Variants in BCAT1 observed in about 807,000 individuals in gnomAD.
BCAT1 encodes the protein branched chain amino acid transaminase 1, also known as branched-chain-amino-acid aminotransferase, cytosolic.
Under a neutral mutation model 52.4 loss-of-function variants are expected in BCAT1, and 48 were observed. The observed-to-expected ratio is 0.92, with a 90% confidence interval of 0.73 to 1.16. BCAT1 has a LOEUF of 1.16. BCAT1 is among the 50% of genes most tolerant of loss of function. The pLI, the probability that BCAT1 is intolerant of heterozygous loss-of-function variation, is 0.00. For synonymous variants in BCAT1, 167 were observed against 161.3 expected (o/e 1.04, Z -0.27); for missense variants, 451 against 457.1 (o/e 0.99, Z 0.12).
intron 3 of BCAT1, among the ~76,000 whole-genome samples, chr12:24,888,122 A>T (rs886132263): frequency 6.6e-6 from 1 of 152,242 alleles, no homozygotes; most frequent in Non-Finnish European, 1.5e-5. Flanking sequence ...AGCCTGAAAC[A>T]TAAATGGACT....
chr12:24,867,188 T>G (rs1349503539), intron 5 of BCAT1, among the ~76,000 whole-genome samples: 2 of 151,722 alleles, frequency 1.3e-5, no homozygotes, highest in Non-Finnish European at 2.9e-5. Flanking sequence ...CGAACACATC[T>G]GAACATCAGA....
chr12:24,943,221 C>A (rs907690961), intron 1 of BCAT1, among the ~76,000 whole-genome samples: 8 of 152,144 alleles, frequency 5.3e-5, no homozygotes, highest in African/African-American at 1.7e-4. Context: ...TGGCCCAGTG[C>A]AGTGACGGAT....
In BCAT1 at chr12:24,829,822, C is replaced by A; in HGVS notation, c.1119+1G>T. On this transcript the variant is annotated splice_donor_variant, in intron 10 of 10. Coordinates refer to ENST00000261192, the MANE Select transcript of BCAT1 (RefSeq NM_005504.7). LOFTEE classifies it high-confidence loss of function. ...AAAAGAAAAGAAAAGAAAAGCTTTA[C>A]CTGGATATCAGTTAATTTGCTCAAG... The A allele has an allele frequency of 3.1e-6, 5 of 1,602,340 alleles. No individual in the cohort carries two copies. The highest frequency in any genetic ancestry group is 4.3e-6 in the Non-Finnish European group (5 of 1,173,000).
intron 3 of BCAT1, 90 bp downstream of exon 3, chr12:24,894,185 A>G: frequency 1.5e-6 from 2 of 1,291,004 alleles, no homozygotes; most frequent in East Asian, 2.4e-5. Flanking sequence ...TAAAGCCCAT[A>G]CTGCCCAAGA....
chr12:24,849,090 T>G (rs746806758), intron 6 of BCAT1, among the ~76,000 whole-genome samples: 1 of 152,216 alleles, frequency 6.6e-6, no homozygotes, highest in Non-Finnish European at 1.5e-5. Context: ...ACAGCACCAT[T>G]TGATACATGC....
intron 5 of BCAT1, among the ~76,000 whole-genome samples, chr12:24,861,298 A>T (rs1319796774): frequency 2.6e-5 from 4 of 152,232 alleles, no homozygotes; most frequent in Non-Finnish European, 5.9e-5. Flanking sequence ...TAGCAACCCC[A>T]TATAAGCTTG....
At chr12:24,908,601 C>T (rs149831829) in intron 1 of BCAT1, among the ~76,000 whole-genome samples, 40 of 152,100 alleles carry the variant, frequency 2.6e-4, no homozygotes, top group African/African-American at 9.4e-4. Context: ...ATTAGTTGGG[C>T]GTGGTGCCAT....
intron 7 of BCAT1, among the ~76,000 whole-genome samples, chr12:24,838,503 G>A (rs1313392451): frequency 8.6e-6 from 1 of 116,682 alleles, no homozygotes; most frequent in Non-Finnish European, 1.8e-5. Context: ...ATTTGTGTGT[G>A]TATATATATG....
Position 24,891,106 on chromosome 12 carries a change from C to T in BCAT1, c.279+3169G>A, listed in dbSNP as rs76578950. On this transcript the variant is annotated intron_variant, in intron 3 of 10. Coordinates refer to ENST00000261192, the MANE Select transcript of BCAT1 (RefSeq NM_005504.7). ...TGAAAGAGTAGTTTTGAGGCTAGGG[C>T]GTAAACAGCAATAGAGCTTCCATCT... is the stretch of plus-strand genomic sequence containing the variant. 8.1e-3 allele frequency among the ~76,000 whole-genome samples: 1,228 copies of T among 152,160 alleles called. 23 individuals carry two copies. Among genetic ancestry groups the T allele is most frequent in the African/African-American group, 0.029 (1,193 of 41,512 alleles).
chr12:24,840,915 T>C (rs964409613), intron 7 of BCAT1, among the ~76,000 whole-genome samples: 3 of 152,216 alleles, frequency 2.0e-5, no homozygotes, highest in Admixed American at 6.5e-5. Flanking sequence ...AACCTAAGAA[T>C]GTAAACAAGT....
At chr12:24,854,049 C>G (rs1941594134) in intron 5 of BCAT1, among the ~76,000 whole-genome samples, 1 of 152,130 alleles carries the variant, frequency 6.6e-6, no homozygotes, top group African/African-American at 2.4e-5. Flanking sequence ...AATACATATA[C>G]AAGGGTTTTT....
intron 5 of BCAT1, among the ~76,000 whole-genome samples, chr12:24,867,920 G>T (rs554052054): frequency 1.3e-4 from 20 of 152,278 alleles, no homozygotes; most frequent in African/African-American, 4.6e-4. Context: ...CAGGAGAATC[G>T]CTTGAACCTG....
intron 5 of BCAT1, among the ~76,000 whole-genome samples, chr12:24,861,253 C>T (rs1669286229): frequency 6.6e-6 from 1 of 152,166 alleles, no homozygotes; most frequent in East Asian, 1.9e-4. Context: ...ATATCTGGAT[C>T]AGTATTTTAA....
At chr12:24,939,239 A>G (rs2139758230) in intron 1 of BCAT1, among the ~76,000 whole-genome samples, 1 of 152,320 alleles carries the variant, frequency 6.6e-6, no homozygotes, top group East Asian at 1.9e-4. Flanking sequence ...TAATGCTTGA[A>G]TTATTTCTGT....
chr12:24,939,324 C>T (rs375485279), intron 1 of BCAT1, among the ~76,000 whole-genome samples: 35 of 152,208 alleles, frequency 2.3e-4, no homozygotes, highest in East Asian at 7.7e-4. Context: ...AAAACTTAGC[C>T]ATTGTTTGCT....
chr12:24,931,685 C>T (rs1943677450), intron 1 of BCAT1, among the ~76,000 whole-genome samples: 1 of 152,138 alleles, frequency 6.6e-6, no homozygotes, highest in East Asian at 1.9e-4. Flanking sequence ...TATTCAAAAT[C>T]AAGTATTAAC....
chr12:24,889,889 G>A (rs1942787458), intron 3 of BCAT1, among the ~76,000 whole-genome samples: 1 of 152,114 alleles, frequency 6.6e-6, no homozygotes, highest in Non-Finnish European at 1.5e-5. Flanking sequence ...TCATACCCCA[G>A]GGGAAGGAAT....
At chr12:24,869,766 A>C (rs1942129405) in intron 5 of BCAT1, among the ~76,000 whole-genome samples, 1 of 152,244 alleles carries the variant, frequency 6.6e-6, no homozygotes, top group African/African-American at 2.4e-5. Flanking sequence ...GAACGGAGGC[A>C]AAGGAGAAAG....
intron 3 of BCAT1, among the ~76,000 whole-genome samples, chr12:24,892,295 A>G (rs559172092): frequency 5.9e-4 from 90 of 152,144 alleles, no homozygotes; most frequent in African/African-American, 2.0e-3. Flanking sequence ...ACAGATGTGA[A>G]CCACCCCACC....
Sources: gnomAD v4.1 joint callset for allele counts (sites outside exome capture counted in the v4.1 genomes callset) on GRCh38, gnomAD v4.1.1 for gene constraint, MANE v1.5 for transcripts, NCBI Gene and HGNC (gene_info 2026-07-23, HGNC 2026-07-21) for gene names.